CNBD1: variants seen among roughly 807,000 people sequenced by gnomAD.
The protein encoded by CNBD1 is cyclic nucleotide-binding domain-containing protein 1.
Under a neutral mutation model 54.4 loss-of-function variants are expected in CNBD1, and 71 were observed. The observed-to-expected ratio is 1.30, with a 90% CI of 1.08 to 1.59. CNBD1 has a LOEUF of 1.59. Ranked by LOEUF, CNBD1 falls within the 40% of genes most tolerant of loss-of-function variation. The pLI, the probability that CNBD1 is intolerant of heterozygous loss-of-function variation, is 0.00. For synonymous variants in CNBD1, 182 were observed against 170.7 expected (o/e 1.07, Z -0.51); for missense variants, 659 against 518.0 (o/e 1.27, Z -2.64).
In CNBD1 at chr8:86,985,010, T is replaced by C. The variant is rs145463880; in HGVS notation, c.431+45256T>C. Among the ~76,000 whole-genome samples the C allele has an allele frequency of 5.9e-3, 899 of 152,240 alleles. 10 individuals are homozygous for C. The highest frequency in any genetic ancestry group is 0.02 in the African/African-American group (813 of 41,544). ...GTCCCCATCCAAATCTCATCTTGAA[T>C]TCCCACATGTTGTGGGAGGGATCCA... is the stretch of plus-strand genomic sequence containing the variant. On this transcript the variant is annotated intron_variant, in intron 4 of 10. Coordinates refer to ENST00000518476, the MANE Select transcript of CNBD1 (RefSeq NM_173538.3).
chr8:87,237,272 T>C (rs957187299), intron 6 of CNBD1, 160 bp downstream of exon 6: 6 of 438,032 alleles, frequency 1.4e-5, no homozygotes, highest in Admixed American at 1.2e-4. Context: ...TACTTACATT[T>C]GATTAAACAT....
intron 4 of CNBD1, among the ~76,000 whole-genome samples, chr8:87,178,140 A>G (rs1173978186): frequency 6.6e-6 from 1 of 152,246 alleles, no homozygotes; most frequent in Non-Finnish European, 1.5e-5. Flanking sequence ...CACTCTTCAT[A>G]GTACAGAACT....
At chr8:87,222,181 G>T (rs1814353450) in intron 5 of CNBD1, among the ~76,000 whole-genome samples, 1 of 151,706 alleles carries the variant, frequency 6.6e-6, no homozygotes, top group Admixed American at 6.6e-5. Context: ...CCATCATAGA[G>T]TTTTATCTTA....
At chr8:87,337,975 TC>T (rs1256670581) in intron 8 of CNBD1, among the ~76,000 whole-genome samples, 2 of 152,202 alleles carry the variant, frequency 1.3e-5, no homozygotes, top group Non-Finnish European at 2.9e-5. Context: ...TCTATTTTTG[TC>T]TTCTATATTG....
At chr8:87,419,531 A>G (rs1419987767) in intron 2 of CNBD1, among the ~76,000 whole-genome samples, 2 of 151,962 alleles carry the variant, frequency 1.3e-5, no homozygotes, top group Non-Finnish European at 2.9e-5. Context: ...CCTATGCCAT[A>G]AAACTCATTT....
At chr8:87,160,837 T>C (rs1812843110) in intron 4 of CNBD1, among the ~76,000 whole-genome samples, 1 of 152,046 alleles carries the variant, frequency 6.6e-6, no homozygotes, top group Admixed American at 6.6e-5. Flanking sequence ...CCAGGATGTA[T>C]TATCGTGGAG....
chr8:87,323,401 G>A (rs1194359828), intron 8 of CNBD1, among the ~76,000 whole-genome samples: 1 of 139,876 alleles, frequency 7.1e-6, no homozygotes, highest in African/African-American at 2.7e-5. Flanking sequence ...TGGGCAGTAC[G>A]GCCATTTTCA....
chr8:86,918,442 C>G (rs1018213316), intron 3 of CNBD1, among the ~76,000 whole-genome samples: 1 of 151,992 alleles, frequency 6.6e-6, no homozygotes, highest in African/African-American at 2.4e-5. Flanking sequence ...TGGTTCTGTC[C>G]CCACCCAAGT....
chr8:87,363,597 A>C lies in CNBD1; in HGVS notation c.1303+9811A>C, dbSNP rs560220365. Among the ~76,000 whole-genome samples the C allele has an allele frequency of 5.3e-5, 8 of 152,060 alleles. No homozygotes were observed. The South Asian group carries it at 1.7e-3, about 32-fold the overall frequency. ...TTGTGGTTTTGATTTGCATTTCTCT[A>C]ATGACCAGTGATGATGAGCTTTTTT... On this transcript the variant is annotated intron_variant, in intron 10 of 10. Coordinates refer to ENST00000518476, the MANE Select transcript of CNBD1 (RefSeq NM_173538.3).
intron 3 of CNBD1, among the ~76,000 whole-genome samples, chr8:86,916,286 TG>T (rs1485914673): frequency 6.6e-6 from 1 of 152,146 alleles, no homozygotes; most frequent in Non-Finnish European, 1.5e-5. Context: ...AAAGTACACC[TG>T]GAAGAGGGCC....
At chr8:86,942,730 G>A (rs1807362116) in intron 4 of CNBD1, among the ~76,000 whole-genome samples, 1 of 152,194 alleles carries the variant, frequency 6.6e-6, no homozygotes, top group African/African-American at 2.4e-5. Flanking sequence ...CCAAATCATA[G>A]ATTCTGCCCC....
At chr8:87,217,703 G>GA (rs1167299524) in intron 5 of CNBD1, among the ~76,000 whole-genome samples, 1 of 151,238 alleles carries the variant, frequency 6.6e-6, no homozygotes, top group Non-Finnish European at 1.5e-5. Context: ...TTATCAGAAA[G>GA]AATGACTGAA....
intron 1 of CNBD1, among the ~76,000 whole-genome samples, chr8:86,886,581 C>G (rs1586111678): frequency 6.6e-6 from 1 of 152,156 alleles, no homozygotes; most frequent in East Asian, 1.9e-4. Flanking sequence ...GGTGATTAAT[C>G]TAAAGGATCA....
chr8:87,417,085 A>T (rs1308428638), intron 2 of CNBD1, among the ~76,000 whole-genome samples: 1 of 152,038 alleles, frequency 6.6e-6, no homozygotes, highest in African/African-American at 2.4e-5. Context: ...TCATGCGTTT[A>T]AGAAAGACAT....
At chr8:87,338,994 G>T (rs1045007488) in intron 8 of CNBD1, among the ~76,000 whole-genome samples, 2 of 151,930 alleles carry the variant, frequency 1.3e-5, no homozygotes, top group African/African-American at 2.4e-5. Flanking sequence ...CTTCCTTTAG[G>T]TGGGACCAGA....
intron 4 of CNBD1, chr8:87,044,467 A>T (rs1320047759): frequency 6.6e-6 from 1 of 152,076 alleles, no homozygotes; most frequent in Non-Finnish European, 1.5e-5. Context: ...CGCCAGAGTG[A>T]GGTTAGAGCA....
rs761487998 is a variant in CNBD1 at position 87,284,784 on chromosome 8, T to C, written c.878T>C (p.Ile293Thr). The C allele has an allele frequency of 2.5e-6, 4 of 1,593,446 alleles. No homozygotes were observed. In the South Asian group the frequency reaches 4.6e-5, roughly 18 times the overall value. ...VTEDDCEILKIPAKGYAKIKE... is the reference protein window; with the variant it reads ...VTEDDCEILKTPAKGYAKIKE... The stretch of plus-strand genomic sequence containing the variant: ...GAAGACGATTGTGAAATTCTTAAAA[T>C]CCCAGCAAAGGGATATGCAAAGATA... The change falls in exon 7 of 11, where the codon ATC becomes ACC. Residue 293 changes from isoleucine (I) to threonine (T), a missense_variant. Coordinates refer to ENST00000518476, the MANE Select transcript of CNBD1 (RefSeq NM_173538.3).
chr8:87,065,309 T>C (rs1430520173), intron 4 of CNBD1, among the ~76,000 whole-genome samples: 1 of 151,990 alleles, frequency 6.6e-6, no homozygotes, highest in Admixed American at 6.6e-5. Context: ...CTCTTGGGCC[T>C]GATTATTTAT....
intron 2 of CNBD1, among the ~76,000 whole-genome samples, chr8:87,422,392 G>A (rs1807956062): frequency 1.0e-5 from 1 of 98,586 alleles, no homozygotes; most frequent in Non-Finnish European, 2.0e-5. Context: ...TTCTTCCAGG[G>A]TTTTTATGGT....
Sources: gnomAD v4.1 joint callset for allele counts (sites outside exome capture counted in the v4.1 genomes callset) on GRCh38, gnomAD v4.1.1 for gene constraint, MANE v1.5 for transcripts, NCBI Gene and HGNC (gene_info 2026-07-23, HGNC 2026-07-21) for gene names.